PIP5K1B: variants seen among roughly 807,000 people sequenced by gnomAD.
PIP5K1B encodes phosphatidylinositol-4-phosphate 5-kinase type 1 beta, also known as phosphatidylinositol 4-phosphate 5-kinase type-1 beta.
In PIP5K1B, 42 loss-of-function variants were observed where a neutral mutation model predicts 67.0. That is an observed-to-expected ratio of 0.63 (90% CI 0.49 to 0.81). The LOEUF (loss-of-function observed/expected upper bound fraction) is 0.81, where lower values mean the gene tolerates loss of function less well. PIP5K1B is among the 30% of genes least tolerant of loss of function. The probability of loss-of-function intolerance (pLI) is 0.00; values close to 1 mark genes in which losing one functional copy is unlikely to be tolerated. For missense variants in PIP5K1B, 459 were observed against 646.3 expected (o/e 0.71, Z 3.14); for synonymous variants, 214 against 231.4 (o/e 0.92, Z 0.68).
intron 4 of PIP5K1B, among the ~76,000 whole-genome samples, chr9:68,836,058 A>G (rs1473933545): frequency 6.6e-6 from 1 of 152,086 alleles, no homozygotes. Flanking sequence ...AAGGACAGAG[A>G]GTACAGTAGA....
chr9:68,722,741 T>C (rs1415719376), intron 1 of PIP5K1B, among the ~76,000 whole-genome samples: 1 of 151,988 alleles, frequency 6.6e-6, no homozygotes, highest in African/African-American at 2.4e-5. Flanking sequence ...TTGATACCTG[T>C]ATGCACTGTG....
chr9:68,955,950 C>T (rs568610501), intron 14 of PIP5K1B, among the ~76,000 whole-genome samples: 12 of 152,292 alleles, frequency 7.9e-5, no homozygotes, highest in East Asian at 1.9e-4. Context: ...CAACCCTCTA[C>T]GGTAAGCACC....
chr9:68,715,145 CAA>C (rs1244472052), intron 1 of PIP5K1B, among the ~76,000 whole-genome samples: 4 of 152,186 alleles, frequency 2.6e-5, no homozygotes, highest in Non-Finnish European at 4.4e-5. Flanking sequence ...AAACATGACT[CAA>C]AATCATTCTC....
chr9:68,722,830 A>G (rs536436338), intron 1 of PIP5K1B, among the ~76,000 whole-genome samples: 7 of 152,240 alleles, frequency 4.6e-5, no homozygotes, highest in African/African-American at 1.7e-4. Context: ...TCTTCTAGCT[A>G]TTTGAAATAT....
At position 69,004,337 on chromosome 9, in the gene PIP5K1B, TTGTGTGTGTG is replaced by T. The variant is rs56680798; in HGVS notation, c.1621-4086_1621-4077del. On this transcript the variant is annotated intron_variant, in intron 15 of 15. Coordinates refer to ENST00000265382, the MANE Select transcript of PIP5K1B (RefSeq NM_003558.4). The stretch of plus-strand genomic sequence containing the variant: ...TTTGTGGGCGTGTGTGTGTGTGTTT[TTGTGTGTGTG>T]TGTGTGTGTGTGTGTGTGTGTGTAC... Among the ~76,000 whole-genome samples the T allele has an allele frequency of 1.3e-3, 189 of 148,368 alleles. 2 individuals carry two copies. The highest frequency in any genetic ancestry group is 4.0e-3 in the African/African-American group (159 of 39,970).
chr9:68,831,792 C>T (rs1202304087), intron 4 of PIP5K1B, among the ~76,000 whole-genome samples: 2 of 152,116 alleles, frequency 1.3e-5, no homozygotes, highest in Admixed American at 6.5e-5. Context: ...TCTCCTGCCT[C>T]AGCCTCCTGA....
chr9:68,761,856 G>A (rs1193312426), intron 2 of PIP5K1B, among the ~76,000 whole-genome samples: 2 of 152,062 alleles, frequency 1.3e-5, no homozygotes, highest in South Asian at 2.1e-4. Flanking sequence ...TCCCCTTGCC[G>A]TGTGATAGAC....
chr9:68,905,698 T>C (rs1313254252), intron 8 of PIP5K1B, among the ~76,000 whole-genome samples: 3 of 152,180 alleles, frequency 2.0e-5, no homozygotes, highest in African/African-American at 7.2e-5. Context: ...GCTTAAAGAA[T>C]AAAGAGTAAA....
intron 2 of PIP5K1B, among the ~76,000 whole-genome samples, chr9:68,818,075 C>T (rs1036960077): frequency 1.3e-5 from 2 of 152,140 alleles, no homozygotes; most frequent in Non-Finnish European, 2.9e-5. Context: ...TGTGAAGATC[C>T]ATAGGAGAAA....
chr9:68,848,312 A>G (rs1453138678), intron 4 of PIP5K1B, among the ~76,000 whole-genome samples: 1 of 152,230 alleles, frequency 6.6e-6, no homozygotes, highest in Non-Finnish European at 1.5e-5. Flanking sequence ...TTCTTACTTC[A>G]GGGAAGCCCA....
chr9:68,859,084 A>G (rs773903624), intron 4 of PIP5K1B, among the ~76,000 whole-genome samples: 30 of 152,240 alleles, frequency 2.0e-4, no homozygotes, highest in Non-Finnish European at 3.1e-4. Context: ...AGACCAGCGT[A>G]TGCACACACT....
At chr9:68,938,116 G>T (rs187325910) in intron 13 of PIP5K1B, among the ~76,000 whole-genome samples, 2 of 152,134 alleles carry the variant, frequency 1.3e-5, no homozygotes, top group South Asian at 2.1e-4. Flanking sequence ...TATTAGGTCC[G>T]CTTGGTCCAG....
At chr9:68,985,244 A>G (rs1587761903) in intron 14 of PIP5K1B, among the ~76,000 whole-genome samples, 1 of 149,716 alleles carries the variant, frequency 6.7e-6, no homozygotes, top group Non-Finnish European at 1.5e-5. Context: ...TCAAACTAAA[A>G]TCTCTTCTTC....
intron 6 of PIP5K1B, among the ~76,000 whole-genome samples, chr9:68,882,603 C>T (rs887676310): frequency 6.6e-6 from 1 of 152,000 alleles, no homozygotes; most frequent in Non-Finnish European, 1.5e-5. Context: ...TTTCTAGACA[C>T]CTCTTTCCGG....
At chr9:68,969,163 T>C (rs375876951) in intron 14 of PIP5K1B, among the ~76,000 whole-genome samples, 1 of 151,988 alleles carries the variant, frequency 6.6e-6, no homozygotes. Context: ...GGCCAGGAGA[T>C]CGAGACCATC....
chr9:68,720,843 T>C (rs1260387267), intron 1 of PIP5K1B, among the ~76,000 whole-genome samples: 1 of 152,238 alleles, frequency 6.6e-6, no homozygotes, highest in Admixed American at 6.5e-5. Flanking sequence ...TTAGATCCTT[T>C]ACCGTGTCTG....
In PIP5K1B at chr9:69,008,486, G is replaced by T. The variant is rs771826277; in HGVS notation, c.*37G>T. 3 of 1,608,316 alleles carry T rather than the reference G, an allele frequency of 1.9e-6. No individual in the cohort carries two copies. Among genetic ancestry groups the T allele is most frequent in the Non-Finnish European group, 2.6e-6 (3 of 1,174,836 alleles). The stretch of plus-strand genomic sequence containing the variant: ...GATCACCTAAGCACATGGATGAGAC[G>T]TGAGCACAGTTATGGCAGAGAAGTT... On this transcript the variant is annotated 3_prime_UTR_variant, in exon 16 of 16. Coordinates refer to ENST00000265382, the MANE Select transcript of PIP5K1B (RefSeq NM_003558.4).
intron 14 of PIP5K1B, among the ~76,000 whole-genome samples, chr9:68,985,314 C>T (rs929256290): frequency 6.6e-6 from 1 of 150,560 alleles, no homozygotes; most frequent in Non-Finnish European, 1.5e-5. Context: ...TGCAATGGTG[C>T]GATCTCGGCT....
intron 1 of PIP5K1B, among the ~76,000 whole-genome samples, chr9:68,717,203 A>G (rs558053135): frequency 1.3e-5 from 2 of 152,350 alleles, no homozygotes; most frequent in South Asian, 4.1e-4. Flanking sequence ...TATCCAGGTA[A>G]CAAACCTGCA....
Sources: gnomAD v4.1 joint callset for allele counts (sites outside exome capture counted in the v4.1 genomes callset) on GRCh38, gnomAD v4.1.1 for gene constraint, MANE v1.5 for transcripts, NCBI Gene and HGNC (gene_info 2026-07-23, HGNC 2026-07-21) for gene names.